Variants in PRKN observed in about 807,000 individuals in gnomAD.
PRKN encodes parkin RBR E3 ubiquitin protein ligase.
Under a neutral mutation model 59.5 loss-of-function variants are expected in PRKN, and 56 were observed. That is an observed-to-expected ratio of 0.94 (90% CI 0.76 to 1.18). The LOEUF is 1.18. PRKN is among the 50% of genes most tolerant of loss of function. The pLI is 0.00. For synonymous variants in PRKN, 250 were observed against 222.1 expected (o/e 1.13, Z -1.12); for missense variants, 657 against 596.4 (o/e 1.10, Z -1.06).
At chr6:161,610,588 G>C (rs1222927937) in intron 7 of PRKN, among the ~76,000 whole-genome samples, 1 of 151,200 alleles carries the variant, frequency 6.6e-6, no homozygotes, top group African/African-American at 2.4e-5. Flanking sequence ...TGACAGTGAA[G>C]AAGAGAAAAT....
chr6:162,494,503 A>G lies in PRKN; in HGVS notation c.8-51030T>C, dbSNP rs374886721. ...TGCCATGTGGACTTCAAGCTCCAGC[A>G]TCCAATGTGAGACAACAGCCTTATA... On this transcript the variant is annotated intron_variant, in intron 1 of 11. Transcript: ENST00000366898. 1.1e-4 allele frequency among the ~76,000 whole-genome samples: 17 copies of G among 152,310 alleles called. No homozygotes were observed. The East Asian group carries it at 2.5e-3, about 22-fold the overall frequency.
At chr6:161,803,223 T>C (rs749197547) in intron 6 of PRKN, among the ~76,000 whole-genome samples, 1 of 152,200 alleles carries the variant, frequency 6.6e-6, no homozygotes, top group Non-Finnish European at 1.5e-5. Flanking sequence ...GTTTTGCCAC[T>C]TCTTTGGGTC....
At chr6:162,662,086 A>G (rs1380041493) in intron 1 of PRKN, among the ~76,000 whole-genome samples, 1 of 150,774 alleles carries the variant, frequency 6.6e-6, no homozygotes, top group Non-Finnish European at 1.5e-5. Context: ...ATATGAATGA[A>G]GGTATCTTTT....
intron 2 of PRKN, among the ~76,000 whole-genome samples, chr6:162,292,364 T>C (rs1007798042): frequency 1.3e-5 from 2 of 152,154 alleles, no homozygotes; most frequent in African/African-American, 4.8e-5. Context: ...TATTTCAATA[T>C]ATTACCTGAT....
At position 161,737,182 on chromosome 6, in the gene PRKN, C is replaced by A. The variant is rs566284949; in HGVS notation, c.871+48590G>T. ...GCACAGGAAGAGGAGGGGCTGACGG[C>A]GAGGTCCAGGCACACCTGGTGAAGT... On this transcript the variant is annotated intron_variant, in intron 7 of 11. Coordinates refer to ENST00000366898, the MANE Select transcript of PRKN (RefSeq NM_004562.3). Among the ~76,000 whole-genome samples, 11 of 152,284 alleles carry A rather than the reference C, an allele frequency of 7.2e-5. No homozygotes were observed. In the East Asian group the frequency reaches 2.1e-3, roughly 30 times the overall value.
intron 6 of PRKN, among the ~76,000 whole-genome samples, chr6:161,883,039 AAAC>A (rs58382636): frequency 0.22 from 32,622 of 151,360 alleles, 3,706 homozygotes; most frequent in East Asian, 0.34. Context: ...CAACAAAAAA[AAAC>A]CAAAAAAACT....
rs1377756526 is a variant in PRKN at position 161,466,591 on chromosome 6, T to A, written c.1084-79714A>T. Among the ~76,000 whole-genome samples, 1 of 152,202 alleles carries A rather than the reference T, an allele frequency of 6.6e-6. No homozygotes were observed. The highest frequency in any genetic ancestry group is 1.5e-5 in the Non-Finnish European group (1 of 68,036). On this transcript the variant is annotated intron_variant, in intron 9 of 11. Transcript: ENST00000366898. The surrounding 1 kb of genome is among the most constrained non-coding windows in gnomAD (Gnocchi z 5.0). ...AAGGTACAGTTTGCATATTAAAAGA[T>A]AAGCCAGTACATCTCTGAGATTTGC... is the stretch of plus-strand genomic sequence containing the variant.
At chr6:162,243,431 C>A (rs1779071457) in intron 3 of PRKN, among the ~76,000 whole-genome samples, 2 of 151,848 alleles carry the variant, frequency 1.3e-5, no homozygotes, top group African/African-American at 2.4e-5. Context: ...ATCACACACA[C>A]AAAAATGCTT....
chr6:162,437,530 T>C (rs1246316840), intron 2 of PRKN, among the ~76,000 whole-genome samples: 2 of 152,120 alleles, frequency 1.3e-5, no homozygotes, highest in East Asian at 3.9e-4. Context: ...AGGACGGCCG[T>C]CACCAAAGGG....
rs901796599 is a variant in PRKN, at chr6:161,592,994, T to C, written c.872-23578A>G. Among the ~76,000 whole-genome samples the C allele has an allele frequency of 6.6e-6, 1 of 152,214 alleles. No individual in the cohort carries two copies. Among genetic ancestry groups the C allele is most frequent in the Non-Finnish European group, 1.5e-5 (1 of 68,030 alleles). On this transcript the variant is annotated intron_variant, in intron 7 of 11. Coordinates refer to ENST00000366898, the MANE Select transcript of PRKN (RefSeq NM_004562.3). The surrounding 1 kb of genome is among the most constrained non-coding windows in gnomAD (Gnocchi z 4.8). ...AGCCTTCATATTTTAGAAGGCATTC[T>C]ACATTATAATAATGTGAGATTTACA...
intron 6 of PRKN, among the ~76,000 whole-genome samples, chr6:161,882,019 A>G (rs1376597681): frequency 6.6e-6 from 1 of 152,062 alleles, no homozygotes; most frequent in Non-Finnish European, 1.5e-5. Context: ...CAAATGATGA[A>G]CCACCCGGAT....
At chr6:162,585,996 C>T (rs1176667035) in intron 1 of PRKN, among the ~76,000 whole-genome samples, 4 of 152,162 alleles carry the variant, frequency 2.6e-5, no homozygotes, top group East Asian at 1.9e-4. Context: ...TGAGCCACCA[C>T]GCCCAGCCAA....
chr6:161,777,683 AAT>A (rs202055318), intron 7 of PRKN, among the ~76,000 whole-genome samples: 5,434 of 143,380 alleles, frequency 0.038, 346 homozygotes, highest in African/African-American at 0.13. Flanking sequence ...ATATATATAT[AAT>A]ATATATATAC....
intron 6 of PRKN, among the ~76,000 whole-genome samples, chr6:161,830,015 G>A (rs900087111): frequency 6.6e-6 from 1 of 152,090 alleles, no homozygotes; most frequent in Non-Finnish European, 1.5e-5. Context: ...GGCTACACTG[G>A]CCCCTTTGTC....
At chr6:162,051,620 T>C (rs1777647883) in intron 5 of PRKN, among the ~76,000 whole-genome samples, 1 of 151,802 alleles carries the variant, frequency 6.6e-6, no homozygotes. Context: ...GGCCACAGAG[T>C]TGTGAGGCCT....
At chr6:161,672,036 G>A (rs1582981490) in intron 7 of PRKN, among the ~76,000 whole-genome samples, 1 of 152,204 alleles carries the variant, frequency 6.6e-6, no homozygotes, top group East Asian at 1.9e-4. Context: ...CTTTGTTTAA[G>A]CAGCAATGAT....
At chr6:162,120,200 C>T (rs999180380) in intron 4 of PRKN, among the ~76,000 whole-genome samples, 7 of 152,158 alleles carry the variant, frequency 4.6e-5, no homozygotes, top group Non-Finnish European at 8.8e-5. Context: ...GACAAGGTTT[C>T]ACCCTGTTGC....
intron 1 of PRKN, among the ~76,000 whole-genome samples, chr6:162,712,760 A>G (rs907010592): frequency 1.1e-4 from 16 of 152,254 alleles, no homozygotes; most frequent in African/African-American, 3.9e-4. Context: ...ACATGAAGTT[A>G]CATAGCTGTC....
intron 2 of PRKN, among the ~76,000 whole-genome samples, chr6:162,384,097 G>A (rs903025649): frequency 6.6e-6 from 1 of 152,188 alleles, no homozygotes; most frequent in African/African-American, 2.4e-5. Context: ...CAATGAGACT[G>A]TCTCACATTC....
Sources: allele counts gnomAD v4.1 joint callset (sites outside exome capture counted in the v4.1 genomes callset), GRCh38; gene constraint gnomAD v4.1.1; non-coding constraint Gnocchi (gnomAD v3.1); transcripts MANE v1.5; gene names NCBI Gene and HGNC (gene_info 2026-07-23, HGNC 2026-07-21).